PERM1: variants seen among roughly 807,000 people sequenced by gnomAD.
PERM1 encodes the protein PPARGC1 and ESRR induced regulator, muscle 1, also known as PGC-1 and ERR-induced regulator in muscle protein 1.
In PERM1, 45 loss-of-function variants were observed where a neutral mutation model predicts 44.1. The observed-to-expected ratio is 1.02, with a 90% CI of 0.80 to 1.31. PERM1 has a LOEUF of 1.31. PERM1 is among the 50% of genes most tolerant of loss of function. The pLI, the probability that PERM1 is intolerant of heterozygous loss-of-function variation, is 0.00. For synonymous variants in PERM1, 565 were observed against 477.1 expected, an observed-to-expected ratio of 1.18 and a Z score of -2.40; for missense variants, 1,189 against 1,106.9, an observed-to-expected ratio of 1.07 and a Z score of -1.05.
rs1357639592 is a variant in PERM1 at position 980,403 on chromosome 1, G to A, written c.627C>T (p.Leu209=). ...TTGCCGTCTCAGGACTGGCCGCAGG[G>A]AGCAGCGGGGAGCCCGTCTGGGCAG... Residue 209 remains leucine (L), a synonymous_variant, in exon 1 of 3, where the codon CTC becomes CTT. Coordinates refer to ENST00000433179, the Ensembl canonical transcript of PERM1. The A allele has an allele frequency of 5.8e-6, 9 of 1,549,882 alleles. No individual in the cohort carries two copies. The East Asian group carries it at 2.2e-4, about 38-fold the overall frequency.
At chr1:979,401 A>G (rs1643721668) in exon 1 of PERM1, 1 of 1,512,684 alleles carries the variant, frequency 6.6e-7, no homozygotes, top group Non-Finnish European at 8.8e-7. Context: ...CGACAGCCAC[A>G]GCCTCCCAGG....
At chr1:981,535 C>T (rs1643792996), upstream of PERM1, among the ~76,000 whole-genome samples, 1 of 152,250 alleles carries the variant, frequency 6.6e-6, no homozygotes, top group Non-Finnish European at 1.5e-5. Flanking sequence ...CCCAGTGCGC[C>T]CCAGCTGGCA....
At chr1:979,076 C>A (rs1221613783) in exon 1 of PERM1, 15 of 1,548,408 alleles carry the variant, frequency 9.7e-6, no homozygotes, top group Admixed American at 2.0e-5. Context: ...GAGATGGGCA[C>A]GGGGTCTCCA....
At chr1:978,530 C>T (rs1294743303) in intron 1 of PERM1, among the ~76,000 whole-genome samples, 1 of 152,256 alleles carries the variant, frequency 6.6e-6, no homozygotes, top group African/African-American at 2.4e-5. Context: ...TGTAAAGCAT[C>T]TCCCAGAGGA....
chr1:980,718 G>T (rs987400739), exon 1 of PERM1: 31 of 1,418,966 alleles, frequency 2.2e-5, no homozygotes, highest in Non-Finnish European at 1.6e-5. Flanking sequence ...GTGCGGACGT[G>T]CTGGGTGTCT....
Position 976,205 on chromosome 1 carries a change from C to T in PERM1, c.2340G>A (p.Gly780=). ...TGGGGCTGGGGCTGTGGCTGCGGCG[C>T]CCTTGCCCCACCTGCCGGCGGAAGT... The change falls in exon 3 of 3, where the codon GGG becomes GGA. Residue 780 remains glycine (G), a synonymous_variant. Transcript: ENST00000433179. 1.9e-6 allele frequency: 3 copies of T among 1,541,292 alleles called. No homozygotes were observed. In the African/African-American group the frequency reaches 4.1e-5, roughly 21 times the overall value.
exon 1 of PERM1, chr1:980,445 G>A (rs938968671): frequency 1.2e-5 from 18 of 1,543,172 alleles, no homozygotes; most frequent in South Asian, 2.4e-5. Flanking sequence ...AGGCTCCTGT[G>A]TGCCCACCCC....
exon 1 of PERM1, chr1:979,822 G>A (rs779262383): frequency 3.2e-6 from 5 of 1,550,032 alleles, no homozygotes; most frequent in African/African-American, 2.7e-5. Context: ...GGAGGCAGGT[G>A]TGGACACAGC....
chr1:976,537 C>T (rs912354775), exon 2 of PERM1: 3 of 1,549,594 alleles, frequency 1.9e-6, no homozygotes, highest in Admixed American at 2.0e-5. Context: ...ATCTGACGTC[C>T]TCACAGCCCA....
chr1:975,867 T>C (rs373178537), exon 3 of PERM1: 2 of 383,102 alleles, frequency 5.2e-6, no homozygotes, highest in African/African-American at 4.2e-5. Context: ...TCCCCACTAT[T>C]GCCTGTCTGA....
exon 1 of PERM1, chr1:980,654 A>G (rs1236471417): frequency 2.1e-5 from 30 of 1,434,538 alleles, no homozygotes; most frequent in Non-Finnish European, 2.6e-5. Context: ...GGGCAGGATG[A>G]GAACTGGCTG....
chr1:979,053 G>A (rs747652699), exon 1 of PERM1: 8 of 1,545,608 alleles, frequency 5.2e-6, no homozygotes, highest in African/African-American at 1.4e-5. Flanking sequence ...AGTGTTCATA[G>A]ACCTCAGGGA....
At chr1:976,428 A>C (rs1570062696) in intron 2 of PERM1, 71 bp downstream of exon 3, 1 of 1,545,944 alleles carries the variant, frequency 6.5e-7, no homozygotes, top group Non-Finnish European at 8.7e-7. Flanking sequence ...GCCCCCGTGC[A>C]CCCCTCGTCC....
chr1:976,527 A>T, exon 2 of PERM1: 1 of 1,549,552 alleles, frequency 6.5e-7, no homozygotes. Flanking sequence ...GGGTATGCGG[A>T]TCTGACGTCC....
At chr1:981,999 G>T, upstream of PERM1, 1 of 1,241,258 alleles carries the variant, frequency 8.1e-7, no homozygotes, top group Non-Finnish European at 1.1e-6. Flanking sequence ...CTCTTGAGAA[G>T]CCTCTGTGGG....
intron 1 of PERM1, 28 bp from the exon 3 acceptor site, chr1:976,652 A>T: frequency 1.3e-6 from 2 of 1,546,910 alleles, no homozygotes; most frequent in Non-Finnish European, 1.7e-6. Flanking sequence ...CTTCAGCCCC[A>T]CGGCTGCACT....
chr1:978,554 T>C (rs1643689723), intron 1 of PERM1, among the ~76,000 whole-genome samples: 1 of 152,256 alleles, frequency 6.6e-6, no homozygotes, highest in Non-Finnish European at 1.5e-5. Context: ...CAGTGTGAGA[T>C]GGGCCTCGTA....
chr1:976,264 G>A (rs1367958304), exon 3 of PERM1: 16 of 1,515,392 alleles, frequency 1.1e-5, no homozygotes, highest in East Asian at 2.5e-5. Context: ...ACGTTGGCCA[G>A]CAAGGCTGCA....
chr1:978,130 C>T (rs1643676052), intron 1 of PERM1, among the ~76,000 whole-genome samples: 1 of 131,188 alleles, frequency 7.6e-6, no homozygotes, highest in Non-Finnish European at 1.6e-5. Context: ...ACACGGCCGC[C>T]CCGGGAACCG....
Sources: allele counts gnomAD v4.1 joint callset (sites outside exome capture counted in the v4.1 genomes callset), GRCh38; gene constraint gnomAD v4.1.1; transcripts MANE v1.5; gene names NCBI Gene and HGNC (gene_info 2026-07-23, HGNC 2026-07-21).